Variants in IL17B observed in about 807,000 individuals in gnomAD.
IL17B encodes interleukin 17B.
A neutral mutation model predicts 14.7 loss-of-function variants in IL17B; 14 were observed. That is an observed-to-expected ratio of 0.95 (90% confidence interval 0.63 to 1.49). IL17B has a LOEUF of 1.49. Ranked by LOEUF, IL17B falls within the 40% of genes most tolerant of loss-of-function variation. IL17B has a pLI of 0.00. For missense variants in IL17B, 233 were observed against 252.8 expected (o/e 0.92, Z 0.53); for synonymous variants, 105 against 94.8 (o/e 1.11, Z -0.62).
chr5:149,375,848 C>T (rs1432870625), intron 2 of IL17B, among the ~76,000 whole-genome samples: 1 of 152,196 alleles, frequency 6.6e-6, no homozygotes. Context: ...CACTGTACTC[C>T]AGCCTGGGTA....
intron 1 of IL17B, among the ~76,000 whole-genome samples, chr5:149,403,632 T>C (rs532642281): frequency 6.6e-6 from 1 of 152,242 alleles, no homozygotes; most frequent in East Asian, 1.9e-4. Context: ...GCCTCCTGGG[T>C]AGAATTAGTG....
chr5:149,403,680 T>A (rs1759257875), intron 1 of IL17B, among the ~76,000 whole-genome samples: 1 of 151,816 alleles, frequency 6.6e-6, no homozygotes, highest in Non-Finnish European at 1.5e-5. Flanking sequence ...GGTTGGGAGG[T>A]GAGAACAGAA....
At chr5:149,388,190 A>C (rs1318966532) in intron 1 of IL17B, among the ~76,000 whole-genome samples, 3 of 152,200 alleles carry the variant, frequency 2.0e-5, no homozygotes, top group Admixed American at 1.3e-4. Context: ...CTCTGGAGAG[A>C]ATTCAGGGGT....
chr5:149,397,813 G>C (rs77139269), intron 1 of IL17B, among the ~76,000 whole-genome samples: 2,054 of 152,240 alleles, frequency 0.013, 68 homozygotes, highest in African/African-American at 0.048. Flanking sequence ...AGGGGCCACT[G>C]GTGTAAGTCC....
intron 1 of IL17B, among the ~76,000 whole-genome samples, chr5:149,377,888 A>G (rs995896894): frequency 6.6e-6 from 1 of 152,286 alleles, no homozygotes; most frequent in African/African-American, 2.4e-5. Flanking sequence ...TCACACCTGT[A>G]ATGCCAGCAC....
At chr5:149,393,013 G>A (rs187951123) in intron 1 of IL17B, among the ~76,000 whole-genome samples, 8 of 151,574 alleles carry the variant, frequency 5.3e-5, no homozygotes, top group Non-Finnish European at 2.9e-5. Context: ...GTGTGTGCAT[G>A]TCTGCGTGTG....
chr5:149,383,459 G>T (rs1010358196), upstream of IL17B, among the ~76,000 whole-genome samples: 6 of 152,338 alleles, frequency 3.9e-5, no homozygotes, highest in South Asian at 1.2e-3. Context: ...GTAAGGTCAG[G>T]GAAGGCGGGA....
upstream of IL17B, among the ~76,000 whole-genome samples, chr5:149,380,246 C>G (rs1037148125): frequency 3.3e-5 from 5 of 152,144 alleles, no homozygotes; most frequent in Admixed American, 3.3e-4. Flanking sequence ...ATGGCACCCT[C>G]TTAAAACTGC....
chr5:149,391,297 A>G (rs1758948498), intron 1 of IL17B, among the ~76,000 whole-genome samples: 1 of 152,068 alleles, frequency 6.6e-6, no homozygotes, highest in Admixed American at 6.6e-5. Context: ...AAAGCCTCTT[A>G]ACTCTGGGTG....
At chr5:149,399,206 C>T (rs1029326287) in intron 1 of IL17B, among the ~76,000 whole-genome samples, 2 of 152,198 alleles carry the variant, frequency 1.3e-5, no homozygotes, top group Non-Finnish European at 2.9e-5. Context: ...ACTCCCCTAA[C>T]ATTTTCCAGG....
At chr5:149,388,670 C>T (rs1327350430) in intron 1 of IL17B, among the ~76,000 whole-genome samples, 1 of 152,200 alleles carries the variant, frequency 6.6e-6, no homozygotes. Flanking sequence ...CTAAGAGGCT[C>T]GACCCAGCAA....
At chr5:149,395,915 C>T (rs1358160541) in intron 1 of IL17B, among the ~76,000 whole-genome samples, 3 of 152,048 alleles carry the variant, frequency 2.0e-5, no homozygotes, top group Non-Finnish European at 4.4e-5. Flanking sequence ...TCAAGTGATC[C>T]ACCCACCTCG....
chr5:149,377,063 A>G (rs1758564544), intron 1 of IL17B, 38 bp from the exon 2 acceptor site: 1 of 1,505,480 alleles, frequency 6.6e-7, no homozygotes, highest in Non-Finnish European at 8.9e-7. Context: ...TGGGAGAGCC[A>G]AGTCTCTATC....
At chr5:149,390,623 A>ACACAC (rs1455138727) in intron 1 of IL17B, among the ~76,000 whole-genome samples, 24 of 147,698 alleles carry the variant, frequency 1.6e-4, no homozygotes, top group African/African-American at 5.5e-4. Flanking sequence ...ACACACACAC[A>ACACAC]CACACACAGA....
At chr5:149,395,920 A>G (rs353264) in intron 1 of IL17B, among the ~76,000 whole-genome samples, 73,062 of 150,786 alleles carry the variant, frequency 0.48, 17,782 homozygotes, top group African/African-American at 0.51. Context: ...TGATCCACCC[A>G]CCTCGGCTTC....
chr5:149,374,511 T>A lies in IL17B; in HGVS notation c.401A>T (p.Glu134Val). Residue 134 changes from glutamate (E) to valine (V), a missense_variant, in exon 3 of 3, where the codon GAG (glutamate) becomes GTG (valine). By Grantham distance (121) the Glu-to-Val change is moderately radical (BLOSUM62 -2). Transcript: ENST00000261796. The surrounding 1 kb of genome is among the most constrained non-coding windows in gnomAD (Gnocchi z 5.0). ...LGCVNPFTMQ[E>V]DRSMVSVPVF... ...CGGCACGCTCACCATGCTGCGGTCCTCCTGCATGGTGAAGGGGTTCACACA... is the reference window on the plus strand; with the variant it reads ...CGGCACGCTCACCATGCTGCGGTCCACCTGCATGGTGAAGGGGTTCACACA... 6.2e-7 allele frequency: 1 copy of A among 1,613,278 alleles called. No individual in the cohort carries two copies. Among genetic ancestry groups the A allele is most frequent in the Non-Finnish European group, 8.5e-7 (1 of 1,179,996 alleles).
chr5:149,401,457 C>A (rs937091054), intron 1 of IL17B, among the ~76,000 whole-genome samples: 1 of 152,220 alleles, frequency 6.6e-6, no homozygotes, highest in Admixed American at 6.5e-5. Context: ...GTAATCCCAG[C>A]ACTTTGGGAG....
chr5:149,382,675 G>T (rs1004735106), upstream of IL17B, among the ~76,000 whole-genome samples: 1 of 152,216 alleles, frequency 6.6e-6, no homozygotes, highest in South Asian at 2.1e-4. Flanking sequence ...GGAGAGGGGC[G>T]GCAGCCAGGG....
chr5:149,376,627 A>G, intron 2 of IL17B, 109 bp downstream of exon 2: 2 of 1,433,636 alleles, frequency 1.4e-6, no homozygotes, highest in Middle Eastern at 2.2e-4. Flanking sequence ...CTAGGGTTCG[A>G]ACCCAAGCAC....
Sources: allele counts gnomAD v4.1 joint callset (sites outside exome capture counted in the v4.1 genomes callset), GRCh38; gene constraint gnomAD v4.1.1; non-coding constraint Gnocchi (gnomAD v3.1); transcripts MANE v1.5; gene names NCBI Gene and HGNC (gene_info 2026-07-23, HGNC 2026-07-21).